PGM1: variants seen among roughly 807,000 people sequenced by gnomAD.
The protein encoded by PGM1 is phosphoglucomutase-1.
In PGM1, 52 loss-of-function variants were observed where a neutral mutation model predicts 55.6. The ratio of observed to expected loss-of-function variants is 0.94; its 90% CI spans 0.75 to 1.18. The LOEUF is 1.18. Ranked by LOEUF, PGM1 falls within the 50% of genes most tolerant of loss-of-function variation. The pLI is 0.00. For missense variants in PGM1, 724 were observed against 729.3 expected (o/e 0.99, Z 0.08); for synonymous variants, 287 against 271.7 (o/e 1.06, Z -0.55).
chr1:63,646,425 A>AT (rs1649646816), intron 7 of PGM1, among the ~76,000 whole-genome samples: 1 of 152,194 alleles, frequency 6.6e-6, no homozygotes, highest in South Asian at 2.1e-4. Context: ...CGAGAAGCCC[A>AT]TTTTAAAATT....
intron 10 of PGM1, among the ~76,000 whole-genome samples, chr1:63,658,984 T>G (rs1258972151): frequency 6.6e-6 from 1 of 152,136 alleles, no homozygotes; most frequent in African/African-American, 2.4e-5. Flanking sequence ...TTTAAAACCA[T>G]TAGATCTCAT....
At chr1:63,613,428 G>A (rs1648621801) in intron 1 of PGM1, among the ~76,000 whole-genome samples, 1 of 152,000 alleles carries the variant, frequency 6.6e-6, no homozygotes, top group African/African-American at 2.4e-5. Flanking sequence ...GAAGGCTCTA[G>A]GGGAGACTCT....
rs1479264990 is a variant in PGM1 at position 63,659,601 on chromosome 1, C to G, written c.1615C>G (p.Leu539Val). 2 of 1,613,864 alleles carry G rather than the reference C, an allele frequency of 1.2e-6. No individual in the cohort carries two copies. Among genetic ancestry groups the G allele is most frequent in the Admixed American group, 1.7e-5 (1 of 60,004 alleles). ...NQDPQVMLAPLISIALKVSQL... is the reference protein window; with the variant it reads ...NQDPQVMLAPVISIALKVSQL... ...TCTTCCTCAGGTCATGTTGGCCCCC[C>G]TTATTTCCATTGCTCTGAAAGTGTC... The change falls in exon 11 of 11, where the codon CTT (leucine) becomes GTT (valine). Residue 539 changes from leucine (L) to valine (V), a missense_variant. Coordinates refer to ENST00000371084, the MANE Select transcript of PGM1 (RefSeq NM_002633.3).
chr1:63,646,918 A>C (rs868356153), intron 7 of PGM1, among the ~76,000 whole-genome samples: 1 of 151,960 alleles, frequency 6.6e-6, no homozygotes, highest in Non-Finnish European at 1.5e-5. Context: ...AATTTTTTCT[A>C]TATTGAATGT....
At chr1:63,607,100 C>T (rs907722669) in intron 1 of PGM1, among the ~76,000 whole-genome samples, 17 of 152,288 alleles carry the variant, frequency 1.1e-4, no homozygotes, top group African/African-American at 3.9e-4. Flanking sequence ...AAAAGAAACC[C>T]CTTACATTAG....
intron 1 of PGM1, among the ~76,000 whole-genome samples, chr1:63,611,000 A>G (rs1648549605): frequency 1.3e-5 from 2 of 152,230 alleles, no homozygotes; most frequent in Admixed American, 6.5e-5. Context: ...CACTTGCTCC[A>G]GAAATCTCCG....
intron 1 of PGM1, among the ~76,000 whole-genome samples, chr1:63,629,012 C>T (rs566482132): frequency 3.9e-4 from 59 of 152,298 alleles, no homozygotes; most frequent in Middle Eastern, 3.4e-3. Context: ...CTTTAATTAG[C>T]TAAACCTTTT....
At chr1:63,637,706 A>G (rs1432573830) in intron 6 of PGM1, among the ~76,000 whole-genome samples, 1 of 152,192 alleles carries the variant, frequency 6.6e-6, no homozygotes, top group Admixed American at 6.5e-5. Context: ...TCACACTATC[A>G]TATGTTAGGC....
intron 3 of PGM1, 74 bp from the exon 4 acceptor site, chr1:63,631,583 T>C: frequency 7.1e-7 from 1 of 1,412,056 alleles, no homozygotes; most frequent in Non-Finnish European, 1.0e-6. Flanking sequence ...TTTACAGCAA[T>C]ATAGTCACAT....
At chr1:63,607,456 G>A (rs1318258915) in intron 1 of PGM1, among the ~76,000 whole-genome samples, 1 of 152,132 alleles carries the variant, frequency 6.6e-6, no homozygotes, top group East Asian at 1.9e-4. Context: ...TAACACAGAA[G>A]GAAAAAGAGA....
chr1:63,609,681 T>C (rs1320705255), intron 1 of PGM1, among the ~76,000 whole-genome samples: 2 of 152,138 alleles, frequency 1.3e-5, no homozygotes, highest in South Asian at 4.1e-4. Context: ...ACTCTAGGAG[T>C]GAGCCACACC....
chr1:63,599,291 G>C (rs1648165391), intron 1 of PGM1, among the ~76,000 whole-genome samples: 1 of 151,958 alleles, frequency 6.6e-6, no homozygotes, highest in South Asian at 2.1e-4. Flanking sequence ...TCAGCCTCCT[G>C]AGTAGGTGGG....
intron 1 of PGM1, among the ~76,000 whole-genome samples, chr1:63,597,177 G>A (rs1648101405): frequency 6.6e-6 from 1 of 150,836 alleles, no homozygotes; most frequent in African/African-American, 2.5e-5. Context: ...GGAAGATGAA[G>A]GGAGGGAGGC....
rs747222639 is a variant in PGM1 at position 63,659,688 on chromosome 1, G to A, written c.*13G>A. The A allele has an allele frequency of 6.3e-7, 1 of 1,596,484 alleles. No homozygotes were observed. The highest frequency in any genetic ancestry group is 1.1e-5 in the South Asian group (1 of 90,760). On this transcript the variant is annotated 3_prime_UTR_variant, in exon 11 of 11. Transcript: ENST00000371084. ...TGTCATCACCTAAGAAGACAGGCCT[G>A]ATGTGGTACGTCCCTCCACCCCCGG... is the stretch of plus-strand genomic sequence containing the variant.
At position 63,647,797 on chromosome 1, in the gene PGM1, T is replaced by G. The variant is rs1649695503; in HGVS notation, c.1145-720T>G. The stretch of plus-strand genomic sequence containing the variant: ...CTTGTTCTATTAAGCTACCAGACTA[T>G]TTGAATTATTGAAATTTTGTAATGG... On this transcript the variant is annotated intron_variant, in intron 7 of 10. Transcript: ENST00000371084. 2.0e-5 allele frequency among the ~76,000 whole-genome samples: 3 copies of G among 152,318 alleles called. No homozygotes were observed. The South Asian group carries it at 6.2e-4, about 32-fold the overall frequency.
At chr1:63,593,817 C>A in intron 1 of PGM1, 83 bp downstream of exon 1, 2 of 1,336,162 alleles carry the variant, frequency 1.5e-6, no homozygotes, top group Non-Finnish European at 1.9e-6. Context: ...TCGCTCGGGG[C>A]CGGCCGCTTC....
intron 7 of PGM1, among the ~76,000 whole-genome samples, chr1:63,642,873 C>A (rs191283929): frequency 7.4e-4 from 113 of 152,304 alleles, no homozygotes; most frequent in African/African-American, 2.6e-3. Flanking sequence ...TGCATTGATT[C>A]ATTCCTCAAA....
At chr1:63,651,986 C>T (rs1307832290) in intron 9 of PGM1, 134 bp downstream of exon 9, 2 of 835,190 alleles carry the variant, frequency 2.4e-6, no homozygotes, top group African/African-American at 1.7e-5. Context: ...GCTGTTCTTA[C>T]CTGGTTTTCT....
At chr1:63,639,819 G>A (rs749377658) in intron 7 of PGM1, among the ~76,000 whole-genome samples, 19 of 152,158 alleles carry the variant, frequency 1.2e-4, no homozygotes, top group Non-Finnish European at 2.4e-4. Context: ...TGGAGGTAGA[G>A]CAGGTAGAAT....
Sources: gnomAD v4.1 joint callset for allele counts (sites outside exome capture counted in the v4.1 genomes callset) on GRCh38, gnomAD v4.1.1 for gene constraint, MANE v1.5 for transcripts, NCBI Gene and HGNC (gene_info 2026-07-23, HGNC 2026-07-21) for gene names.